Variants in DTNB observed in about 807,000 individuals in gnomAD.
The protein encoded by DTNB is DTN-B.
A neutral mutation model predicts 90.7 loss-of-function variants in DTNB; 63 were observed. The ratio of observed to expected loss-of-function variants is 0.69; its 90% CI spans 0.57 to 0.86. The LOEUF (loss-of-function observed/expected upper bound fraction) is 0.86. Among genes scored for constraint, DTNB ranks in the 40% least tolerant of loss-of-function variants. The pLI is 0.00. For missense variants in DTNB, 744 were observed against 807.1 expected (o/e 0.92, Z 0.95); for synonymous variants, 277 against 286.7 (o/e 0.97, Z 0.34).
intron 9 of DTNB, among the ~76,000 whole-genome samples, chr2:25,512,264 G>A (rs1473867384): frequency 1.3e-5 from 2 of 152,284 alleles, no homozygotes; most frequent in African/African-American, 2.4e-5. Context: ...CTTCCAAAGC[G>A]TCAGTAGGAC....
chr2:25,473,069 C>T (rs945317952), intron 10 of DTNB, among the ~76,000 whole-genome samples: 1 of 152,108 alleles, frequency 6.6e-6, no homozygotes, highest in African/African-American at 2.4e-5. Context: ...TAATCAGATT[C>T]GCATTTCAGA....
At chr2:25,611,750 G>T (rs981774052) in intron 4 of DTNB, among the ~76,000 whole-genome samples, 1 of 152,134 alleles carries the variant, frequency 6.6e-6, no homozygotes, top group African/African-American at 2.4e-5. Flanking sequence ...GAAGCAGGAG[G>T]ATCACTTAAG....
chr2:25,651,854 G>C (rs976245600), intron 2 of DTNB, among the ~76,000 whole-genome samples: 4 of 152,044 alleles, frequency 2.6e-5, no homozygotes, highest in African/African-American at 9.7e-5. Flanking sequence ...TTATGTTAAG[G>C]GTCCTTGTAA....
intron 15 of DTNB, among the ~76,000 whole-genome samples, chr2:25,421,901 T>C (rs1462585858): frequency 6.6e-6 from 1 of 152,208 alleles, no homozygotes; most frequent in Non-Finnish European, 1.5e-5. Context: ...CTGGGGACAG[T>C]GGGCAGGGCA....
chr2:25,408,878 T>A (rs1415015108), intron 16 of DTNB, among the ~76,000 whole-genome samples: 1 of 152,226 alleles, frequency 6.6e-6, no homozygotes, highest in Non-Finnish European at 1.5e-5. Flanking sequence ...TACAGCTTCA[T>A]GATTTGACGA....
chr2:25,406,298 A>G (rs2045146055), intron 16 of DTNB, among the ~76,000 whole-genome samples: 1 of 152,046 alleles, frequency 6.6e-6, no homozygotes, highest in Non-Finnish European at 1.5e-5. Context: ...ACTGGTGCTT[A>G]GTGGGTAAAG....
At chr2:25,433,517 C>A (rs893303828) in intron 13 of DTNB, among the ~76,000 whole-genome samples, 3 of 151,574 alleles carry the variant, frequency 2.0e-5, no homozygotes, top group Non-Finnish European at 4.4e-5. Context: ...CGTTAAATGG[C>A]ATTAATTTTT....
chr2:25,556,745 G>A (rs189606092), intron 8 of DTNB, among the ~76,000 whole-genome samples: 7 of 152,286 alleles, frequency 4.6e-5, no homozygotes, highest in Admixed American at 2.6e-4. Context: ...TGATACCTGA[G>A]CTAATTAAAG....
At chr2:25,388,106 G>C in intron 17 of DTNB, 96 bp downstream of exon 17, 2 of 1,509,430 alleles carry the variant, frequency 1.3e-6, no homozygotes, top group Middle Eastern at 2.3e-4. Context: ...TCCAAGCAAA[G>C]AGCACAAAAC....
chr2:25,564,045 G>T (rs2058647095), intron 8 of DTNB, among the ~76,000 whole-genome samples: 1 of 152,126 alleles, frequency 6.6e-6, no homozygotes, highest in Non-Finnish European at 1.5e-5. Context: ...GGGACTACAG[G>T]CACCTGCTAC....
rs143430794 is a variant in DTNB, at chr2:25,395,206, T to C, written c.1576-6845A>G. 5.8e-3 allele frequency among the ~76,000 whole-genome samples: 886 copies of C among 152,200 alleles called. 9 individuals are homozygous for C. Among genetic ancestry groups the C allele is most frequent in the Middle Eastern group, 0.02 (6 of 294 alleles). Reference sequence around the variant, plus strand: ...AGGACACAAAGGCCTAAGAATGATATATTGGACTTTGGGGACTCGGGGAAA... The same window carrying C: ...AGGACACAAAGGCCTAAGAATGATACATTGGACTTTGGGGACTCGGGGAAA... On this transcript the variant is annotated intron_variant, in intron 16 of 20. Coordinates refer to ENST00000406818, the MANE Select transcript of DTNB (RefSeq NM_021907.5).
At chr2:25,673,177 G>C (rs928326439) in intron 1 of DTNB, among the ~76,000 whole-genome samples, 43 of 151,390 alleles carry the variant, frequency 2.8e-4, no homozygotes, top group African/African-American at 9.2e-4. Context: ...CTGTCCCTCC[G>C]GGGCTAGCCG....
intron 7 of DTNB, 86 bp downstream of exon 7, chr2:25,580,635 T>C (rs764901310): frequency 7.3e-5 from 90 of 1,225,162 alleles, no homozygotes; most frequent in Non-Finnish European, 1.0e-4. Context: ...TAATTTTCAA[T>C]GATATTAATA....
intron 10 of DTNB, 30 bp from the exon 11 acceptor site, chr2:25,455,524 C>A (rs771735965): frequency 3.2e-6 from 5 of 1,571,614 alleles, no homozygotes; most frequent in African/African-American, 1.4e-5. Context: ...AGACAGCAAG[C>A]GTGACACAAA....
chr2:25,388,805 C>CATGTGT (rs142180356), intron 16 of DTNB, among the ~76,000 whole-genome samples: 7 of 149,142 alleles, frequency 4.7e-5, no homozygotes, highest in African/African-American at 1.7e-4. Flanking sequence ...AAAGGACATA[C>CATGTGT]GTGTGTGTGT....
intron 4 of DTNB, among the ~76,000 whole-genome samples, chr2:25,620,207 C>A (rs981170463): frequency 1.3e-5 from 2 of 152,078 alleles, no homozygotes; most frequent in African/African-American, 4.8e-5. Flanking sequence ...AAAAGAAGAG[C>A]GTCTCCAGGA....
At chr2:25,622,650 T>C (rs903846143) in intron 4 of DTNB, among the ~76,000 whole-genome samples, 3 of 152,124 alleles carry the variant, frequency 2.0e-5, no homozygotes, top group Non-Finnish European at 2.9e-5. Flanking sequence ...TATGCATGCA[T>C]GTGAACACTC....
chr2:25,383,585 G>T (rs2038529162), intron 19 of DTNB: 1 of 666,820 alleles, frequency 1.5e-6, no homozygotes. Flanking sequence ...TGTTCTACTT[G>T]TATCTACTTC....
At chr2:25,514,849 A>G (rs1019735835) in intron 9 of DTNB, among the ~76,000 whole-genome samples, 6 of 151,622 alleles carry the variant, frequency 4.0e-5, no homozygotes, top group African/African-American at 1.2e-4. Context: ...CGCCTGGCTA[A>G]TTTTTGTATT....
Sources: allele counts gnomAD v4.1 joint callset (sites outside exome capture counted in the v4.1 genomes callset), GRCh38; gene constraint gnomAD v4.1.1; transcripts MANE v1.5; gene names NCBI Gene and HGNC (gene_info 2026-07-23, HGNC 2026-07-21).